Variants in CPNE5 observed in about 807,000 individuals in gnomAD.
CPNE5 encodes copine 5.
In CPNE5, 42 loss-of-function variants were observed where a neutral mutation model predicts 81.1. That is an observed-to-expected ratio of 0.52 (90% CI 0.40 to 0.67). The LOEUF (loss-of-function observed/expected upper bound fraction) is 0.67, where lower values mean the gene tolerates loss of function less well. Among genes scored for constraint, CPNE5 ranks in the 30% least tolerant of loss-of-function variants. CPNE5 has a pLI of 0.00. For missense variants in CPNE5, 612 were observed against 815.5 expected (o/e 0.75, Z 3.04); for synonymous variants, 313 against 321.5 (o/e 0.97, Z 0.28).
At chr6:36,811,536 G>T (rs1771103581) in intron 3 of CPNE5, among the ~76,000 whole-genome samples, 1 of 152,186 alleles carries the variant, frequency 6.6e-6, no homozygotes, top group South Asian at 2.1e-4. Context: ...ACTTTGGAGT[G>T]CACACTTTCA....
intron 12 of CPNE5, among the ~76,000 whole-genome samples, chr6:36,762,242 AAG>A (rs2061967914): frequency 6.6e-6 from 1 of 150,862 alleles, no homozygotes. Context: ...AAAAAAAAAA[AAG>A]AGGGAGAACA....
Position 36,743,760 on chromosome 6 carries a change from T to A in CPNE5, c.1492A>T (p.Met498Leu). 1.9e-6 allele frequency: 3 copies of A among 1,611,638 alleles called. No individual in the cohort carries two copies. The highest frequency in any genetic ancestry group is 2.5e-6 in the Non-Finnish European group (3 of 1,179,862). ...VGVGQAEFDA[M>L]VELDGDDVRI... ...ACGTCGTCGCCATCCAGCTCCACCA[T>A]GGCTGTGAGGGGAGGAGTGTCATGG... Residue 498 changes from methionine to leucine, a missense_variant and splice_region_variant, in exon 20 of 21, where the codon ATG (methionine) becomes TTG (leucine). Transcript: ENST00000244751.
chr6:36,752,328 T>A (rs552298901), intron 14 of CPNE5, among the ~76,000 whole-genome samples: 9 of 152,268 alleles, frequency 5.9e-5, no homozygotes, highest in Non-Finnish European at 8.8e-5. Flanking sequence ...GCTCTTTCCG[T>A]GAGCTGCTGG....
chr6:36,823,181 C>G, intron 1 of CPNE5, 83 bp from the exon 2 acceptor site: 1 of 1,219,764 alleles, frequency 8.2e-7, no homozygotes. Flanking sequence ...TACCGAGACC[C>G]AGAGGCTGCC....
chr6:36,765,986 G>C lies in CPNE5; in HGVS notation c.738-610C>G, dbSNP rs192745292. 6.6e-5 allele frequency among the ~76,000 whole-genome samples: 10 copies of C among 152,284 alleles called. No homozygotes were observed. The East Asian group carries it at 1.5e-3, about 24-fold the overall frequency. On this transcript the variant is annotated intron_variant, in intron 10 of 20. Transcript: ENST00000244751. ...AGTTTGTTTTGACTCCTATGCATGC[G>C]GATGGGCTTTGAGAGCCCATTTTAT...
intron 1 of CPNE5, among the ~76,000 whole-genome samples, chr6:36,829,389 C>A (rs1251740640): frequency 1.3e-5 from 2 of 151,974 alleles, no homozygotes; most frequent in Non-Finnish European, 2.9e-5. Context: ...CCCAGCTACT[C>A]AAGAGGCTGG....
At chr6:36,824,348 G>A (rs1386499574) in intron 1 of CPNE5, among the ~76,000 whole-genome samples, 1 of 152,168 alleles carries the variant, frequency 6.6e-6, no homozygotes, top group Admixed American at 6.5e-5. Flanking sequence ...GGGGCCGCCA[G>A]GAGACCTACC....
At position 36,839,135 on chromosome 6, in the gene CPNE5, G is replaced by A. The variant is rs2150642215; in HGVS notation, c.95+148C>T. On this transcript the variant is annotated intron_variant, in intron 1 of 20. Coordinates refer to ENST00000244751, the MANE Select transcript of CPNE5 (RefSeq NM_020939.2). The surrounding 1 kb of genome is among the most constrained non-coding windows in gnomAD (Gnocchi z 7.3). ...GCCACCCGCAGCTGGACAGGACAGG[G>A]GCTCTTGGCAGATCGGCAGGGGCGC... The A allele has an allele frequency of 7.0e-6, 4 of 568,234 alleles. No homozygotes were observed. 35.2% of individuals were successfully genotyped at this position (568,234 alleles called of 1,614,324 possible).
chr6:36,821,885 T>C (rs1772086623), intron 3 of CPNE5, among the ~76,000 whole-genome samples: 1 of 152,180 alleles, frequency 6.6e-6, no homozygotes, highest in Non-Finnish European at 1.5e-5. Flanking sequence ...AACAGGGCTA[T>C]GTCTCCTCTC....
At chr6:36,786,325 A>C (rs1390827385) in intron 8 of CPNE5, among the ~76,000 whole-genome samples, 5 of 152,192 alleles carry the variant, frequency 3.3e-5, no homozygotes, top group African/African-American at 7.2e-5. Flanking sequence ...GAGGTTATTC[A>C]TACACAGATG....
At position 36,746,985 on chromosome 6, in the gene CPNE5, T is replaced by C; in HGVS notation, c.1019-408A>G. The stretch of plus-strand genomic sequence containing the variant: ...CACAAGAGCCCGCAAGCACTCATGA[T>C]CTGGCCTCCAGGTCATCTCCTACCC... On this transcript the variant is annotated intron_variant, in intron 15 of 20. Coordinates refer to ENST00000244751, the MANE Select transcript of CPNE5 (RefSeq NM_020939.2). This position sits in a 1 kb window ranked among gnomAD's most constrained non-coding sequence, Gnocchi z 4.5. 6.6e-6 allele frequency among the ~76,000 whole-genome samples: 1 copy of C among 151,776 alleles called. No individual in the cohort carries two copies. Among genetic ancestry groups the C allele is most frequent in the East Asian group, 1.9e-4 (1 of 5,170 alleles).
chr6:36,809,865 A>T (rs896143082), intron 3 of CPNE5, among the ~76,000 whole-genome samples: 1 of 150,860 alleles, frequency 6.6e-6, no homozygotes, highest in Non-Finnish European at 1.5e-5. Context: ...TCTCCCTTCC[A>T]CCCGATCCTC....
chr6:36,834,525 G>T (rs1299727880), intron 1 of CPNE5, among the ~76,000 whole-genome samples: 4 of 151,784 alleles, frequency 2.6e-5, no homozygotes, highest in Non-Finnish European at 5.9e-5. Context: ...GCGTGATGGT[G>T]CATGCCTGTA....
intron 1 of CPNE5, among the ~76,000 whole-genome samples, chr6:36,836,641 A>T (rs1485154858): frequency 1.3e-5 from 2 of 152,138 alleles, no homozygotes; most frequent in African/African-American, 4.8e-5. Flanking sequence ...GAGCGGGTGC[A>T]GTGGGGAGGG....
At chr6:36,811,382 T>C (rs73416250) in intron 3 of CPNE5, among the ~76,000 whole-genome samples, 7,879 of 152,306 alleles carry the variant, frequency 0.052, 692 homozygotes, top group African/African-American at 0.18. Flanking sequence ...GGGCTTCTTA[T>C]AAGAAGAGCC....
intron 3 of CPNE5, among the ~76,000 whole-genome samples, chr6:36,803,154 T>C (rs775807594): frequency 7.9e-5 from 12 of 152,180 alleles, no homozygotes; most frequent in Middle Eastern, 3.2e-3. Flanking sequence ...GTCAATCTCA[T>C]GTTCCAGTCA....
chr6:36,764,065 T>C (rs1051372493), intron 11 of CPNE5, among the ~76,000 whole-genome samples: 1 of 151,602 alleles, frequency 6.6e-6, no homozygotes, highest in African/African-American at 2.4e-5. Context: ...GCCCAAGAGG[T>C]GTCCCTGGGG....
intron 8 of CPNE5, among the ~76,000 whole-genome samples, chr6:36,781,646 TC>T (rs1768045206): frequency 6.6e-6 from 1 of 152,148 alleles, no homozygotes; most frequent in Non-Finnish European, 1.5e-5. Flanking sequence ...CCCATCCATG[TC>T]CTGGGACAGG....
chr6:36,758,415 A>ATTTTTTTTTTTTT (rs72371807), intron 12 of CPNE5, among the ~76,000 whole-genome samples: 5 of 140,258 alleles, frequency 3.6e-5, no homozygotes, highest in African/African-American at 1.1e-4. Context: ...ATGTCTGGCT[A>ATTTTTTTTTTTTT]TTTTTTTTTT....
Sources: allele counts gnomAD v4.1 joint callset (sites outside exome capture counted in the v4.1 genomes callset), GRCh38; gene constraint gnomAD v4.1.1; non-coding constraint Gnocchi (gnomAD v3.1); transcripts MANE v1.5; gene names NCBI Gene and HGNC (gene_info 2026-07-23, HGNC 2026-07-21).